EPHX4: variants seen among roughly 807,000 people sequenced by gnomAD.
The protein encoded by EPHX4 is abhydrolase domain containing 7.
EPHX4 carries 31 observed loss-of-function variants against 44.9 expected under a neutral mutation model. The ratio of observed to expected loss-of-function variants is 0.69; its 90% confidence interval spans 0.52 to 0.93. The LOEUF is 0.93. Among genes scored for constraint, EPHX4 ranks in the 40% least tolerant of loss-of-function variants. The pLI, the probability that EPHX4 is intolerant of heterozygous loss-of-function variation, is 0.00. For synonymous variants in EPHX4, 151 were observed against 159.7 expected, an observed-to-expected ratio of 0.95 and a Z score of 0.41; for missense variants, 373 against 438.1, an observed-to-expected ratio of 0.85 and a Z score of 1.33.
chr1:92,030,459 T>TGTGTGG (rs1384272082), intron 1 of EPHX4, 149 bp downstream of exon 1: 1 of 412,916 alleles, frequency 2.4e-6, no homozygotes, highest in Admixed American at 4.5e-5. Flanking sequence ...CTGTGTGTCG[T>TGTGTGG]GTGTGTGTGT....
In EPHX4 at chr1:92,030,184, C is replaced by T. The variant is rs140340942; in HGVS notation, c.105C>T (p.His35=). 11 of 1,611,946 alleles carry T rather than the reference C, an allele frequency of 6.8e-6. No homozygotes were observed. The highest frequency in any genetic ancestry group is 1.7e-5 in the Admixed American group (1 of 59,854). The stretch of plus-strand genomic sequence containing the variant: ...ACTGCGGGCTCTGCGCCTCCATCCA[C>T]CTGCTCAAACTTTTGTGGAGCCTCG... The part of the protein sequence containing the change: ...YCYCGLCASI[H]LLKLLWSLGK... The change falls in exon 1 of 7, where the codon CAC becomes CAT. Residue 35 remains histidine, a synonymous_variant. Coordinates refer to ENST00000370383, the MANE Select transcript of EPHX4 (RefSeq NM_173567.5).
chr1:92,045,387 C>G (rs1007238899), intron 3 of EPHX4, 145 bp from the exon 4 acceptor site: 1 of 962,618 alleles, frequency 1.0e-6, no homozygotes. Flanking sequence ...GTTTTGGAAC[C>G]ACTGAATTCA....
At chr1:92,061,791 G>A (rs1215958008) in intron 6 of EPHX4, among the ~76,000 whole-genome samples, 2 of 152,086 alleles carry the variant, frequency 1.3e-5, no homozygotes, top group African/African-American at 4.8e-5. Context: ...TGTATAAATT[G>A]TCTATATTGC....
At chr1:92,048,844 C>G (rs1009058351) in intron 4 of EPHX4, among the ~76,000 whole-genome samples, 1 of 151,846 alleles carries the variant, frequency 6.6e-6, no homozygotes, top group African/African-American at 2.4e-5. Flanking sequence ...CTCAGCCTCC[C>G]AAGTAGCTGG....
chr1:92,041,760 G>T (rs1433227929), intron 2 of EPHX4, among the ~76,000 whole-genome samples: 2 of 152,168 alleles, frequency 1.3e-5, no homozygotes. Flanking sequence ...GACTTATTTG[G>T]CCAGGTGCAG....
intron 2 of EPHX4, among the ~76,000 whole-genome samples, chr1:92,035,455 T>C (rs1184457423): frequency 6.6e-6 from 1 of 152,218 alleles, no homozygotes; most frequent in African/African-American, 2.4e-5. Context: ...GTCGAAAATC[T>C]TTCACGTGGC....
At chr1:92,031,616 A>T (rs1267157840) in intron 1 of EPHX4, among the ~76,000 whole-genome samples, 1 of 152,186 alleles carries the variant, frequency 6.6e-6, no homozygotes, top group Non-Finnish European at 1.5e-5. Context: ...CTGCAAAATG[A>T]TTCTTTCACA....
chr1:92,040,134 A>ACAC (rs1233942062), intron 2 of EPHX4, among the ~76,000 whole-genome samples: 2 of 151,144 alleles, frequency 1.3e-5, no homozygotes, highest in Non-Finnish European at 2.9e-5. Context: ...TATGTGTCTG[A>ACAC]CACTCTTCCT....
At chr1:92,030,340 G>C (rs1449667309) in intron 1 of EPHX4, 30 bp downstream of exon 1, 9 of 1,471,762 alleles carry the variant, frequency 6.1e-6, no homozygotes, top group South Asian at 1.4e-5. Flanking sequence ...TGGCGGGAGC[G>C]GGAGGGAGCG....
At chr1:92,045,909 G>A (rs916907591) in intron 4 of EPHX4, among the ~76,000 whole-genome samples, 1 of 152,106 alleles carries the variant, frequency 6.6e-6, no homozygotes, top group Non-Finnish European at 1.5e-5. Context: ...GTTAACTTGG[G>A]GAGGGATAAA....
chr1:92,056,570 C>G (rs941486618), intron 6 of EPHX4, among the ~76,000 whole-genome samples: 1 of 151,912 alleles, frequency 6.6e-6, no homozygotes, highest in African/African-American at 2.4e-5. Context: ...ATTTGAACAA[C>G]TCTATTAATA....
chr1:92,054,703 ATAAT>A (rs1224048208), intron 6 of EPHX4, among the ~76,000 whole-genome samples: 1 of 152,112 alleles, frequency 6.6e-6, no homozygotes, highest in Non-Finnish European at 1.5e-5. Context: ...GTATGTTTAA[ATAAT>A]TAAACATAAG....
chr1:92,031,425 T>C (rs1232781530), intron 1 of EPHX4, among the ~76,000 whole-genome samples: 2 of 152,190 alleles, frequency 1.3e-5, no homozygotes, highest in African/African-American at 4.8e-5. Flanking sequence ...AAGAACCATC[T>C]GGAATTCCAT....
intron 2 of EPHX4, among the ~76,000 whole-genome samples, chr1:92,038,920 C>T (rs547046094): frequency 6.6e-6 from 1 of 152,216 alleles, no homozygotes; most frequent in African/African-American, 2.4e-5. Context: ...GACTCTGTGA[C>T]CTTTGGTACT....
intron 1 of EPHX4, 29 bp from the exon 2 acceptor site, chr1:92,032,476 C>A: frequency 6.5e-7 from 1 of 1,540,386 alleles, no homozygotes; most frequent in Non-Finnish European, 9.0e-7. Context: ...ACACAAACAT[C>A]ACTAAAATTC....
intron 2 of EPHX4, among the ~76,000 whole-genome samples, chr1:92,041,259 C>T (rs1688504265): frequency 6.6e-6 from 1 of 152,186 alleles, no homozygotes; most frequent in African/African-American, 2.4e-5. Flanking sequence ...TTTAGTATCA[C>T]TCTTGCTTAT....
At chr1:92,040,854 T>C (rs1688499547) in intron 2 of EPHX4, among the ~76,000 whole-genome samples, 1 of 152,166 alleles carries the variant, frequency 6.6e-6, no homozygotes, top group Non-Finnish European at 1.5e-5. Flanking sequence ...TACACTGGTT[T>C]ATAATCTTAA....
At chr1:92,061,266 T>A (rs1315750478) in intron 6 of EPHX4, among the ~76,000 whole-genome samples, 2 of 152,152 alleles carry the variant, frequency 1.3e-5, no homozygotes, top group African/African-American at 4.8e-5. Context: ...TTTTTAGGAG[T>A]ATTACAACCA....
intron 1 of EPHX4, among the ~76,000 whole-genome samples, chr1:92,032,209 TTGAC>T (rs1476736852): frequency 6.6e-6 from 1 of 152,184 alleles, no homozygotes; most frequent in African/African-American, 2.4e-5. Context: ...AATATATAAA[TTGAC>T]TGTACTAGAA....
Sources: allele counts gnomAD v4.1 joint callset (sites outside exome capture counted in the v4.1 genomes callset), GRCh38; gene constraint gnomAD v4.1.1; transcripts MANE v1.5; gene names NCBI Gene and HGNC (gene_info 2026-07-23, HGNC 2026-07-21).